The following ALX1 variants were observed in gnomAD, a reference collection of about 807,000 sequenced individuals.
The protein encoded by ALX1 is ALX homeobox protein 1.
A neutral mutation model predicts 31.7 loss-of-function variants in ALX1; 19 were observed. The observed-to-expected ratio is 0.60, with a 90% CI of 0.42 to 0.88. The LOEUF is 0.88. Ranked by LOEUF, ALX1 falls within the 40% of genes least tolerant of loss-of-function variation. ALX1 has a pLI of 0.00. For missense variants in ALX1, 415 were observed against 407.8 expected (o/e 1.02, Z -0.15); for synonymous variants, 153 against 148.8 (o/e 1.03, Z -0.20).
At chr12:85,290,356 C>T (rs943847798) in intron 3 of ALX1, among the ~76,000 whole-genome samples, 6 of 150,956 alleles carry the variant, frequency 4.0e-5, no homozygotes, top group Non-Finnish European at 5.9e-5. Context: ...CTCAGGAGCC[C>T]AAAGATCTTT....
Position 85,283,696 on chromosome 12 carries a change from T to G in ALX1, c.351T>G (p.Asp117Glu). The G allele has an allele frequency of 6.2e-7, 1 of 1,614,146 alleles. No individual in the cohort carries two copies. Among genetic ancestry groups the G allele is most frequent in the Non-Finnish European group, 8.5e-7 (1 of 1,180,014 alleles). The change falls in exon 2 of 4, where the codon GAT becomes GAG. Residue 117 changes from aspartate (D) to glutamate (E), a missense_variant. Transcript: ENST00000316824. ...VKGMQEKGEL[D>E]ELGDKCDSNV... ...GGATGCAAGAGAAGGGAGAGCTGGA[T>G]GAACTTGGGGATAAATGTGATAGCA...
At chr12:85,284,021 T>A in intron 2 of ALX1, 145 bp downstream of exon 2, 1 of 916,144 alleles carries the variant, frequency 1.1e-6, no homozygotes, top group Non-Finnish European at 1.6e-6. Flanking sequence ...AATATATGTC[T>A]ACTAAAATTA....
chr12:85,300,416 G>T (rs1043812147), intron 3 of ALX1, among the ~76,000 whole-genome samples: 1 of 151,910 alleles, frequency 6.6e-6, no homozygotes, highest in East Asian at 1.9e-4. Context: ...TTGCTAAATA[G>T]TTGCACATCT....
intron 2 of ALX1, among the ~76,000 whole-genome samples, 159 bp from the exon 3 acceptor site, chr12:85,286,694 G>C (rs1338118709): frequency 6.6e-6 from 1 of 151,812 alleles, no homozygotes; most frequent in Non-Finnish European, 1.5e-5. Flanking sequence ...CAAGATACAA[G>C]AAAAAGTAAA....
Position 85,301,583 on chromosome 12 carries a change from A to C in ALX1, c.*108A>C. 2 of 1,183,126 alleles carry C rather than the reference A, an allele frequency of 1.7e-6. No homozygotes were observed. Among genetic ancestry groups the C allele is most frequent in the East Asian group, 5.0e-5 (2 of 40,190 alleles). 73.3% of individuals were successfully genotyped at this position (1,183,126 alleles called of 1,614,324 possible). The stretch of plus-strand genomic sequence containing the variant: ...GCTGTGTGTGGAATTGCTAAAGGTC[A>C]AGATATTCAGTGAGACCAGCTTAAA... On this transcript the variant is annotated 3_prime_UTR_variant, in exon 4 of 4. Transcript: ENST00000316824.
intron 2 of ALX1, among the ~76,000 whole-genome samples, chr12:85,285,676 A>G (rs1176708770): frequency 6.6e-6 from 1 of 152,012 alleles, no homozygotes; most frequent in Non-Finnish European, 1.5e-5. Context: ...AGAATTGAGT[A>G]TGAAAAAGAG....
intron 1 of ALX1, among the ~76,000 whole-genome samples, chr12:85,281,258 GA>G (rs1896669738): frequency 6.6e-6 from 1 of 152,182 alleles, no homozygotes; most frequent in African/African-American, 2.4e-5. Flanking sequence ...GCTTCTGGGT[GA>G]AATCTTCAAC....
chr12:85,283,559 C>T lies in ALX1; in HGVS notation c.227-13C>T, dbSNP rs199791233. The T allele has an allele frequency of 6.8e-5, 109 of 1,613,732 alleles. No individual in the cohort carries two copies. The highest frequency in any genetic ancestry group is 8.8e-5 in the Non-Finnish European group (104 of 1,179,840). ...AATCCTGAGAACTGTTGTTTTTCCT[C>T]CTCTGGGTACAGTGAACTATGGGAT... On this transcript the variant is annotated splice_polypyrimidine_tract_variant and intron_variant, in intron 1 of 3. Transcript: ENST00000316824.
Position 85,286,907 on chromosome 12 carries a change from A to G in ALX1, c.586A>G (p.Ile196Val), listed in dbSNP as rs1435489604. The G allele has an allele frequency of 3.1e-6, 5 of 1,612,234 alleles. No homozygotes were observed. The highest frequency in any genetic ancestry group is 3.4e-6 in the Non-Finnish European group (4 of 1,178,666). Residue 196 changes from isoleucine to valine, a missense_variant, in exon 3 of 4, where the codon ATA becomes GTA. By Grantham distance (29) the Ile-to-Val change is conservative (BLOSUM62 3). Transcript: ENST00000316824. ...KWRKRERYGQ[I>V]QQAKSHFAAT... ...GAGAAAAAGGGAACGTTATGGCCAA[A>G]TACAACAAGCGAAAAGCCATTTTGC...
intron 3 of ALX1, among the ~76,000 whole-genome samples, chr12:85,287,601 C>A (rs1003690706): frequency 2.0e-5 from 3 of 151,110 alleles, no homozygotes; most frequent in Non-Finnish European, 3.0e-5. Flanking sequence ...AATGGGTGCT[C>A]TTTTACTTCA....
At chr12:85,296,004 CTA>C (rs1221677445) in intron 3 of ALX1, among the ~76,000 whole-genome samples, 1 of 151,460 alleles carries the variant, frequency 6.6e-6, no homozygotes, top group African/African-American at 2.4e-5. Context: ...TATCATGAAA[CTA>C]TTTTTTTGTT....
At chr12:85,286,689 T>A (rs566635125) in intron 2 of ALX1, among the ~76,000 whole-genome samples, 164 bp from the exon 3 acceptor site, 4 of 151,944 alleles carry the variant, frequency 2.6e-5, no homozygotes, top group African/African-American at 7.2e-5. Context: ...CACATCAAGA[T>A]ACAAGAAAAA....
intron 2 of ALX1, 137 bp from the exon 3 acceptor site, chr12:85,286,716 C>T (rs986202394): frequency 3.6e-6 from 3 of 833,974 alleles, no homozygotes; most frequent in Non-Finnish European, 5.4e-6. Context: ...TCTGTGGATC[C>T]TTTTCTAACA....
At chr12:85,288,998 T>C (rs1896783600) in intron 3 of ALX1, among the ~76,000 whole-genome samples, 1 of 151,436 alleles carries the variant, frequency 6.6e-6, no homozygotes, top group Non-Finnish European at 1.5e-5. Flanking sequence ...AATTATGAGC[T>C]CTTCACATGG....
chr12:85,286,861 T>C lies in ALX1; in HGVS notation c.540T>C (p.Phe180=). The stretch of plus-strand genomic sequence containing the variant: ...TTTTATTAAATAATTAGGTTTGGTT[T>C]CAAAATCGAAGGGCCAAATGGAGAA... ...ELTEARVQVW[F]QNRRAKWRKR... The change falls in exon 3 of 4, where the codon TTT becomes TTC. Residue 180 remains phenylalanine, a synonymous_variant. Coordinates refer to ENST00000316824, the MANE Select transcript of ALX1 (RefSeq NM_006982.3). 1 of 1,606,360 alleles carries C rather than the reference T, an allele frequency of 6.2e-7. No homozygotes were observed. The highest frequency in any genetic ancestry group is 8.5e-7 in the Non-Finnish European group (1 of 1,175,278).
At chr12:85,296,820 GA>G (rs34172041) in intron 3 of ALX1, among the ~76,000 whole-genome samples, 35,481 of 151,060 alleles carry the variant, frequency 0.23, 4,626 homozygotes, top group Non-Finnish European at 0.29. Context: ...AGAGGCCTAC[GA>G]AAACACCGTA....
rs1181179187 is a variant in ALX1, at chr12:85,283,792, A to T, written c.447A>T (p.Lys149Asn). 1 of 1,614,168 alleles carries T rather than the reference A, an allele frequency of 6.2e-7. No individual in the cohort carries two copies. Among genetic ancestry groups the T allele is most frequent in the East Asian group, 2.2e-5 (1 of 44,878 alleles). The stretch of plus-strand genomic sequence containing the variant: ...GTTTGCAGCTAGAGGAGCTGGAGAA[A>T]GTCTTTCAGAAAACTCATTACCCGG... ...FTSLQLEELE[K>N]VFQKTHYPDV... The change falls in exon 2 of 4, where the codon AAA becomes AAT. Residue 149 changes from lysine (K) to asparagine (N), a missense_variant. This residue lies in a region of ALX1 where 235 missense variants were observed against 208.9 expected (regional missense o/e 1.13). Coordinates refer to ENST00000316824, the MANE Select transcript of ALX1 (RefSeq NM_006982.3).
chr12:85,293,673 G>T (rs1396868079), intron 3 of ALX1, among the ~76,000 whole-genome samples: 1 of 150,916 alleles, frequency 6.6e-6, no homozygotes, highest in Non-Finnish European at 1.5e-5. Context: ...AAGTTGAATA[G>T]ATAACCAAAT....
chr12:85,283,524 T>G, intron 1 of ALX1, 48 bp from the exon 2 acceptor site: 26 of 1,582,748 alleles, frequency 1.6e-5, no homozygotes, highest in Non-Finnish European at 1.9e-5. Flanking sequence ...TTAATTGAGA[T>G]GAGTTTCACA....
Sources: allele counts gnomAD v4.1 joint callset (sites outside exome capture counted in the v4.1 genomes callset), GRCh38; gene constraint gnomAD v4.1.1; regional missense constraint gnomAD v4.1.1; transcripts MANE v1.5; gene names NCBI Gene and HGNC (gene_info 2026-07-23, HGNC 2026-07-21).